Variants in IL1RAPL1 observed in about 807,000 individuals in gnomAD.
IL1RAPL1 encodes the protein interleukin-1 receptor accessory protein-like 1.
Under a neutral mutation model 48.4 loss-of-function variants are expected in IL1RAPL1, and 3 were observed. That is an observed-to-expected ratio of 0.06 (90% CI 0.03 to 0.16). The LOEUF is 0.16. IL1RAPL1 is among the 10% of genes least tolerant of loss of function. IL1RAPL1 has a pLI of 1.00. For synonymous variants in IL1RAPL1, 185 were observed against 187.7 expected, an observed-to-expected ratio of 0.99 and a Z score of 0.12; for missense variants, 349 against 530.6, an observed-to-expected ratio of 0.66 and a Z score of 3.36.
chrX:29,451,097 C>T (rs1209320121), intron 5 of IL1RAPL1, among the ~76,000 whole-genome samples: 1 of 107,110 alleles, frequency 9.3e-6, no homozygotes, highest in East Asian at 2.9e-4. Flanking sequence ...AAATGGTTGA[C>T]TCTCTCTATA....
intron 2 of IL1RAPL1, among the ~76,000 whole-genome samples, chrX:29,076,802 G>GTCTGTCTATCTATCTATCTA (rs568595100): frequency 0.035 from 3,416 of 97,182 alleles, 63 homozygotes; most frequent in South Asian, 0.074. Flanking sequence ...CTGTCTGTCT[G>GTCTGTCTATCTATCTATCTA]TCTATCTATC....
At chrX:28,594,921 G>A (rs1933939488) in intron 1 of IL1RAPL1, among the ~76,000 whole-genome samples, 2 of 111,160 alleles carry the variant, frequency 1.8e-5, no homozygotes, top group African/African-American at 6.5e-5. Context: ...CATTAGCTTT[G>A]TATCTTTCCA....
At chrX:29,346,802 C>A (rs374590530) in intron 3 of IL1RAPL1, among the ~76,000 whole-genome samples, 1 of 112,342 alleles carries the variant, frequency 8.9e-6, no homozygotes, top group African/African-American at 3.2e-5. Flanking sequence ...AGAGGAAATA[C>A]ACCTTGACAG....
intron 2 of IL1RAPL1, among the ~76,000 whole-genome samples, chrX:29,006,513 T>TG (rs1925981553): frequency 2.9e-5 from 3 of 102,473 alleles, no homozygotes; most frequent in Non-Finnish European, 5.9e-5. Context: ...AAACGCCGTC[T>TG]GGAAAAAAAA....
chrX:29,507,029 G>T (rs1475369356), intron 5 of IL1RAPL1, among the ~76,000 whole-genome samples: 4 of 109,497 alleles, frequency 3.7e-5, no homozygotes, highest in African/African-American at 1.3e-4. Context: ...CTTATTCTCT[G>T]TCAGAGTTTC....
At chrX:29,220,141 GA>G (rs1930947126) in intron 2 of IL1RAPL1, among the ~76,000 whole-genome samples, 1 of 111,435 alleles carries the variant, frequency 9.0e-6, no homozygotes, top group Admixed American at 9.6e-5. Context: ...TAAATTAATT[GA>G]AAACCATGTT....
At chrX:29,087,843 TGG>T (rs759763358) in intron 2 of IL1RAPL1, among the ~76,000 whole-genome samples, 1 of 111,894 alleles carries the variant, frequency 8.9e-6, no homozygotes, top group Non-Finnish European at 1.9e-5. Context: ...GAGACCGGCC[TGG>T]GCAACATGGC....
chrX:29,218,289 C>T (rs1930914485), intron 2 of IL1RAPL1, among the ~76,000 whole-genome samples: 1 of 111,761 alleles, frequency 8.9e-6, no homozygotes, highest in African/African-American at 3.2e-5. Context: ...CTCTTTGTTA[C>T]CATTTACAAA....
chrX:28,938,810 G>A (rs1051831539), intron 2 of IL1RAPL1, among the ~76,000 whole-genome samples: 2 of 110,349 alleles, frequency 1.8e-5, no homozygotes, highest in African/African-American at 3.3e-5. Context: ...GCATCTATGA[G>A]GAACTTAAAA....
intron 6 of IL1RAPL1, among the ~76,000 whole-genome samples, chrX:29,758,778 TAAAAAACAAAACAAAACA>T (rs1219202457): frequency 2.7e-5 from 3 of 110,810 alleles, no homozygotes; most frequent in African/African-American, 9.8e-5. Flanking sequence ...ATTCCTAATG[TAAAAAACAAAACAAAACA>T]AAAAAACAAA....
At chrX:29,893,710 G>C (rs1178251669) in intron 6 of IL1RAPL1, among the ~76,000 whole-genome samples, 1 of 111,531 alleles carries the variant, frequency 9.0e-6, no homozygotes, top group Non-Finnish European at 1.9e-5. Flanking sequence ...TATTCGTAAA[G>C]AAGCCAGGGA....
chrX:29,307,715 A>G (rs1263554813), intron 3 of IL1RAPL1, among the ~76,000 whole-genome samples: 9 of 112,127 alleles, frequency 8.0e-5, no homozygotes, highest in African/African-American at 1.3e-4. Context: ...CACTTATCTT[A>G]TTGCACTGAA....
At chrX:28,653,855 T>G (rs1934716611) in intron 1 of IL1RAPL1, among the ~76,000 whole-genome samples, 1 of 111,903 alleles carries the variant, frequency 8.9e-6, no homozygotes, top group South Asian at 3.7e-4. Flanking sequence ...TTAATTTATT[T>G]TGTAATTAGA....
chrX:28,968,767 G>T (rs1015887228), intron 2 of IL1RAPL1, among the ~76,000 whole-genome samples: 5 of 112,714 alleles, frequency 4.4e-5, no homozygotes, highest in African/African-American at 1.6e-4. Flanking sequence ...TCACATATGT[G>T]CACATTTGTG....
At chrX:29,102,659 T>C (rs930550408) in intron 2 of IL1RAPL1, among the ~76,000 whole-genome samples, 2 of 94,994 alleles carry the variant, frequency 2.1e-5, no homozygotes, top group Non-Finnish European at 4.2e-5. Flanking sequence ...AAAGCAAAAC[T>C]CCATCTCAAA....
chrX:29,138,720 T>G (rs1257756441), intron 2 of IL1RAPL1, among the ~76,000 whole-genome samples: 1 of 100,473 alleles, frequency 1.0e-5, no homozygotes, highest in Non-Finnish European at 2.0e-5. Context: ...GAGCTTGCAG[T>G]GAGCTGAGAT....
chrX:29,948,457 C>A (rs1010034460), intron 9 of IL1RAPL1, among the ~76,000 whole-genome samples: 63 of 111,072 alleles, frequency 5.7e-4, no homozygotes, highest in Non-Finnish European at 1.0e-3. Context: ...TAAAATCAAA[C>A]CATTAAGGTT....
At chrX:29,770,537 C>T (rs746065758) in intron 6 of IL1RAPL1, among the ~76,000 whole-genome samples, 2 of 111,690 alleles carry the variant, frequency 1.8e-5, no homozygotes, top group African/African-American at 3.3e-5. Flanking sequence ...ATTAACAACA[C>T]AAGGCTATGA....
intron 5 of IL1RAPL1, among the ~76,000 whole-genome samples, chrX:29,513,521 C>A (rs1252684273): frequency 8.9e-6 from 1 of 111,923 alleles, no homozygotes; most frequent in African/African-American, 3.2e-5. Context: ...AAAATGATTG[C>A]ATACAGTTCT....
Sources: gnomAD v4.1 joint callset for allele counts (sites outside exome capture counted in the v4.1 genomes callset) on GRCh38, gnomAD v4.1.1 for gene constraint, MANE v1.5 for transcripts, NCBI Gene and HGNC (gene_info 2026-07-23, HGNC 2026-07-21) for gene names.